The following GALNT13 variants were observed in gnomAD, a reference collection of about 807,000 sequenced individuals.
The protein encoded by GALNT13 is polypeptide N-acetylgalactosaminyltransferase 13.
GALNT13 carries 28 observed loss-of-function variants against 64.2 expected under a neutral mutation model. That is an observed-to-expected ratio of 0.44 (90% CI 0.32 to 0.60). The LOEUF is 0.60. GALNT13 is among the 20% of genes least tolerant of loss of function. The pLI is 0.05. For synonymous variants in GALNT13, 214 were observed against 224.6 expected (o/e 0.95, Z 0.42); for missense variants, 577 against 669.8 (o/e 0.86, Z 1.53).
the GALNT13 span, among the ~76,000 whole-genome samples, chr2:153,842,723 A>AACAC: frequency 5.3e-3 from 800 of 150,364 alleles, 4 homozygotes; most frequent in Middle Eastern, 6.9e-3. Context: ...ACAAAAGGAT[A>AACAC]ACACACACAC....
chr2:154,073,145 A>T (rs1700820101), intron 3 of GALNT13, among the ~76,000 whole-genome samples: 1 of 152,064 alleles, frequency 6.6e-6, no homozygotes, highest in Non-Finnish European at 1.5e-5. Context: ...CACATCATTT[A>T]TAATGAAATG....
At chr2:153,300,628 C>T in the GALNT13 span, among the ~76,000 whole-genome samples, 1 of 152,100 alleles carries the variant, frequency 6.6e-6, no homozygotes, top group African/African-American at 2.4e-5. Context: ...ACATAGATAA[C>T]AATTTGTAAA....
At chr2:154,280,551 T>G (rs1375622603) in intron 8 of GALNT13, among the ~76,000 whole-genome samples, 2 of 152,178 alleles carry the variant, frequency 1.3e-5, no homozygotes, top group Non-Finnish European at 2.9e-5. Flanking sequence ...GTAACTCCAA[T>G]TAGGAGAGGT....
chr2:153,521,394 G>A, the GALNT13 span, among the ~76,000 whole-genome samples: 3 of 152,004 alleles, frequency 2.0e-5, no homozygotes, highest in Non-Finnish European at 4.4e-5. Context: ...CTATTTTTGA[G>A]TAGTTTTAGG....
the GALNT13 span, among the ~76,000 whole-genome samples, chr2:153,189,367 T>G: frequency 1.3e-5 from 2 of 152,188 alleles, no homozygotes; most frequent in African/African-American, 4.8e-5. Flanking sequence ...CATGATGACT[T>G]TCAGTTTCAT....
chr2:154,350,595 C>G (rs913485235), intron 9 of GALNT13, among the ~76,000 whole-genome samples: 3 of 152,172 alleles, frequency 2.0e-5, no homozygotes, highest in Non-Finnish European at 4.4e-5. Context: ...GGAACTTCAC[C>G]GTGTGACTGT....
intron 11 of GALNT13, among the ~76,000 whole-genome samples, chr2:154,418,425 G>A (rs1206021036): frequency 1.3e-5 from 2 of 152,082 alleles, no homozygotes; most frequent in Non-Finnish European, 2.9e-5. Flanking sequence ...AGATAGCCGC[G>A]CTACCACATG....
the GALNT13 span, among the ~76,000 whole-genome samples, chr2:153,126,194 G>A: frequency 6.6e-6 from 1 of 151,236 alleles, no homozygotes; most frequent in Non-Finnish European, 1.5e-5. Context: ...ACAGTAACTT[G>A]GAACTCAACT....
the GALNT13 span, among the ~76,000 whole-genome samples, chr2:153,725,004 C>T: frequency 1.3e-5 from 2 of 151,390 alleles, no homozygotes; most frequent in South Asian, 4.2e-4. Context: ...GACACATGCA[C>T]ACGTATGTTT....
chr2:154,270,466 C>A (rs375346924), intron 8 of GALNT13, among the ~76,000 whole-genome samples: 1 of 151,636 alleles, frequency 6.6e-6, no homozygotes, highest in African/African-American at 2.4e-5. Flanking sequence ...TAAAGCATAA[C>A]CACTTATTTA....
chr2:153,444,298 G>C, the GALNT13 span, among the ~76,000 whole-genome samples: 2 of 152,050 alleles, frequency 1.3e-5, no homozygotes, highest in African/African-American at 4.8e-5. Flanking sequence ...TGGAGTTCTT[G>C]TACTTTGTTA....
At chr2:153,639,800 G>T in the GALNT13 span, among the ~76,000 whole-genome samples, 1 of 152,160 alleles carries the variant, frequency 6.6e-6, no homozygotes, top group East Asian at 1.9e-4. Flanking sequence ...AAATTTTGCT[G>T]ATCACTGGGT....
the GALNT13 span, among the ~76,000 whole-genome samples, chr2:153,081,019 A>C: frequency 3.3e-5 from 5 of 151,974 alleles, no homozygotes; most frequent in Non-Finnish European, 5.9e-5. Flanking sequence ...AAATTATATA[A>C]ATTTTAGGTA....
the GALNT13 span, among the ~76,000 whole-genome samples, chr2:153,075,239 C>T: frequency 6.6e-6 from 1 of 152,144 alleles, no homozygotes; most frequent in East Asian, 1.9e-4. Flanking sequence ...ATACCGGTAT[C>T]TCAGTAATAG....
chr2:153,789,958 A>G, the GALNT13 span, among the ~76,000 whole-genome samples: 8 of 152,176 alleles, frequency 5.3e-5, no homozygotes, highest in African/African-American at 1.7e-4. Flanking sequence ...CCAAGCAACA[A>G]AAGGCCCAGG....
At chr2:153,647,647 G>A in the GALNT13 span, among the ~76,000 whole-genome samples, 5 of 152,260 alleles carry the variant, frequency 3.3e-5, no homozygotes, top group Admixed American at 1.3e-4. Context: ...TTTGTATAAG[G>A]TGTAAGGAAG....
the GALNT13 span, among the ~76,000 whole-genome samples, chr2:153,513,278 A>G: frequency 1.3e-5 from 2 of 152,094 alleles, no homozygotes. Context: ...ACTTTCATAG[A>G]TTCATATTTA....
At chr2:153,908,161 A>C (rs573426969) in intron 2 of GALNT13, among the ~76,000 whole-genome samples, 1 of 152,072 alleles carries the variant, frequency 6.6e-6, no homozygotes, top group South Asian at 2.1e-4. Context: ...ATGATCAGTG[A>C]TAGTGAGCTT....
chr2:153,502,227 A>G, the GALNT13 span, among the ~76,000 whole-genome samples: 5 of 152,142 alleles, frequency 3.3e-5, no homozygotes, highest in African/African-American at 9.7e-5. Context: ...GTAGTCTTTT[A>G]TCCCTCACCC....
Sources: allele counts gnomAD v4.1 joint callset (sites outside exome capture counted in the v4.1 genomes callset), GRCh38; gene constraint gnomAD v4.1.1; transcripts MANE v1.5; gene names NCBI Gene and HGNC (gene_info 2026-07-23, HGNC 2026-07-21).